LAMB1: variants seen among roughly 807,000 people sequenced by gnomAD.
The protein encoded by LAMB1 is laminin subunit beta-1.
Under a neutral mutation model 222.3 loss-of-function variants are expected in LAMB1, and 121 were observed. The observed-to-expected ratio is 0.54, with a 90% CI of 0.47 to 0.63. The LOEUF is 0.63. LAMB1 is among the 30% of genes least tolerant of loss of function. LAMB1 has a pLI of 0.00. For synonymous variants in LAMB1, 794 were observed against 807.2 expected, an observed-to-expected ratio of 0.98 and a Z score of 0.28; for missense variants, 2,172 against 2,240.8, an observed-to-expected ratio of 0.97 and a Z score of 0.62.
intron 3 of LAMB1, among the ~76,000 whole-genome samples, chr7:108,001,097 G>A (rs1188452240): frequency 6.6e-6 from 1 of 152,108 alleles, no homozygotes; most frequent in East Asian, 1.9e-4. Flanking sequence ...CACCAAATGA[G>A]GAGAGGAAAA....
chr7:107,924,218 G>C lies in LAMB1; in HGVS notation c.5224+12C>G. On this transcript the variant is annotated intron_variant, in intron 33 of 33. Coordinates refer to ENST00000222399, the MANE Select transcript of LAMB1 (RefSeq NM_002291.3). ...AGTAATTTAAAAAATAAGCCTGTGT[G>C]AAAAGACCCACCTTTGAGCAGTTGC... 6.3e-7 allele frequency: 1 copy of C among 1,584,828 alleles called. No homozygotes were observed. The highest frequency in any genetic ancestry group is 8.5e-7 in the Non-Finnish European group (1 of 1,172,118).
rs759223395 is a variant in LAMB1 at position 107,951,295 on chromosome 7, C to T, written c.3322G>A (p.Gly1108Arg). 6 of 1,614,048 alleles carry T rather than the reference C, an allele frequency of 3.7e-6. No individual in the cohort carries two copies. Among genetic ancestry groups the T allele is most frequent in the African/African-American group, 2.7e-5 (2 of 74,928 alleles). Reference sequence around the variant, plus strand: ...TCGCTGCAGGTGCGGCCTCCAAACCCAGGCATGCACTGGCACTGCCCCGTG... The same window carrying T: ...TCGCTGCAGGTGCGGCCTCCAAACCTAGGCATGCACTGGCACTGCCCCGTG... ...EFTGQCQCMP[G>R]FGGRTCSECQ... Residue 1108 changes from glycine to arginine, a missense_variant, in exon 24 of 34, where the codon GGG (glycine) becomes AGG (arginine). Transcript: ENST00000222399.
chr7:107,948,604 A>C (rs2033178658), intron 24 of LAMB1, among the ~76,000 whole-genome samples: 1 of 152,182 alleles, frequency 6.6e-6, no homozygotes, highest in South Asian at 2.1e-4. Flanking sequence ...AATACGAATG[A>C]TGTATACATA....
intron 18 of LAMB1, among the ~76,000 whole-genome samples, chr7:107,960,085 G>A (rs1325110080): frequency 7.9e-5 from 12 of 152,114 alleles, no homozygotes; most frequent in Non-Finnish European, 1.2e-4. Flanking sequence ...TTAGACCAAA[G>A]CCCAGTGACC....
chr7:107,982,841 G>C (rs1439049028), intron 7 of LAMB1, among the ~76,000 whole-genome samples: 1 of 152,208 alleles, frequency 6.6e-6, no homozygotes, highest in Non-Finnish European at 1.5e-5. Context: ...TAAATCAAAT[G>C]CATGATCAGC....
chr7:107,971,287 A>C (rs2033743453), intron 13 of LAMB1, among the ~76,000 whole-genome samples: 1 of 152,198 alleles, frequency 6.6e-6, no homozygotes, highest in South Asian at 2.1e-4. Context: ...TTTTATTTTT[A>C]AATTCTACTC....
chr7:107,937,454 A>G (rs1184706432), intron 25 of LAMB1, among the ~76,000 whole-genome samples, 177 bp from the exon 26 acceptor site: 1 of 152,204 alleles, frequency 6.6e-6, no homozygotes, highest in African/African-American at 2.4e-5. Context: ...ATTAAATCTA[A>G]CAATTTTTCT....
At chr7:107,972,465 G>C (rs1331552523) in intron 13 of LAMB1, among the ~76,000 whole-genome samples, 1 of 152,068 alleles carries the variant, frequency 6.6e-6, no homozygotes, top group Non-Finnish European at 1.5e-5. Flanking sequence ...TTAACATCTT[G>C]CCAAATGTGT....
At chr7:107,953,884 C>T (rs897060553) in intron 21 of LAMB1, 130 bp from the exon 22 acceptor site, 15 of 720,276 alleles carry the variant, frequency 2.1e-5, no homozygotes, top group Non-Finnish European at 3.6e-5. Context: ...TTTAAAGAGC[C>T]CAGGGTGATC....
intron 31 of LAMB1, among the ~76,000 whole-genome samples, chr7:107,927,042 G>T (rs764382266): frequency 2.0e-5 from 3 of 152,120 alleles, no homozygotes; most frequent in Non-Finnish European, 4.4e-5. Flanking sequence ...CATGACAAAA[G>T]AATCAATTTC....
chr7:107,944,868 GA>G (rs1305855468), intron 24 of LAMB1, among the ~76,000 whole-genome samples: 2 of 152,304 alleles, frequency 1.3e-5, no homozygotes, highest in African/African-American at 4.8e-5. Context: ...GAAAAACTGT[GA>G]ACTGACTATT....
Position 107,952,118 on chromosome 7 carries a change from C to G in LAMB1, c.3185G>C (p.Gly1062Ala). The change falls in exon 23 of 34, where the codon GGG (glycine) becomes GCG (alanine). Residue 1062 changes from glycine to alanine, a missense_variant. By Grantham distance (60) the Gly-to-Ala change is moderately conservative. Coordinates refer to ENST00000222399, the MANE Select transcript of LAMB1 (RefSeq NM_002291.3). ...GQCLCLPNVI[G>A]QNCDRCAPNT... ...GGGCGCACAGCGGTCACAGTTCTGCCCGATCACATTAGGAAGACACAAGCA... is the reference window on the plus strand; with the variant it reads ...GGGCGCACAGCGGTCACAGTTCTGCGCGATCACATTAGGAAGACACAAGCA... The G allele has an allele frequency of 6.2e-7, 1 of 1,614,104 alleles. No homozygotes were observed. The highest frequency in any genetic ancestry group is 8.5e-7 in the Non-Finnish European group (1 of 1,180,000).
intron 31 of LAMB1, 21 bp from the exon 32 acceptor site, chr7:107,926,380 C>T: frequency 3.1e-6 from 5 of 1,605,764 alleles, no homozygotes; most frequent in Non-Finnish European, 4.3e-6. Flanking sequence ...GTCAATTTTC[C>T]AGCAAGACAT....
intron 29 of LAMB1, chr7:107,930,127 A>G (rs1209074625): frequency 6.5e-6 from 1 of 154,306 alleles, no homozygotes; most frequent in Non-Finnish European, 1.4e-5. Context: ...ATTTCCTACA[A>G]ATGATCTAGA....
At chr7:107,977,074 C>T (rs1248395322) in intron 9 of LAMB1, among the ~76,000 whole-genome samples, 6 of 149,644 alleles carry the variant, frequency 4.0e-5, no homozygotes. Context: ...TCCTTCCTTT[C>T]CTCTCTCTCC....
chr7:107,983,488 CTGAACACATTTATGATTTA>C (rs1195295509), intron 7 of LAMB1, among the ~76,000 whole-genome samples: 1 of 150,606 alleles, frequency 6.6e-6, no homozygotes, highest in Non-Finnish European at 1.5e-5. Context: ...CTTTGATGTA[CTGAACACATTTATGATTTA>C]TGAACACATT....
chr7:108,001,968 G>A (rs1413829221), intron 2 of LAMB1: 7 of 1,448,466 alleles, frequency 4.8e-6, no homozygotes, highest in Non-Finnish European at 6.4e-6. Flanking sequence ...GGTCTGTCCA[G>A]CAGCGAGAGC....
At position 107,986,065 on chromosome 7, in the gene LAMB1, A is replaced by T. The variant is rs758593943; in HGVS notation, c.633T>A (p.Asp211Glu). ...TEGEVIFRAL[D>E]PAFKIEDPYS... is the part of the protein sequence containing the mutation. ...AAGGATCTTCTATTTTGAAAGCAGG[A>T]TCTAAAGCACGAAATATCACCTAAA... The change falls in exon 7 of 34, where the codon GAT becomes GAA. Residue 211 changes from aspartate (D) to glutamate (E), a missense_variant. Coordinates refer to ENST00000222399, the MANE Select transcript of LAMB1 (RefSeq NM_002291.3). 6.2e-7 allele frequency: 1 copy of T among 1,612,624 alleles called. No homozygotes were observed. The highest frequency in any genetic ancestry group is 1.1e-5 in the South Asian group (1 of 91,046).
chr7:107,941,105 G>A (rs897355187), intron 24 of LAMB1, among the ~76,000 whole-genome samples: 4 of 152,170 alleles, frequency 2.6e-5, no homozygotes, highest in Non-Finnish European at 2.9e-5. Flanking sequence ...CAGTCTCAGC[G>A]TCTCACAGGC....
Sources: gnomAD v4.1 joint callset for allele counts (sites outside exome capture counted in the v4.1 genomes callset) on GRCh38, gnomAD v4.1.1 for gene constraint, MANE v1.5 for transcripts, NCBI Gene and HGNC (gene_info 2026-07-23, HGNC 2026-07-21) for gene names.